Variants in FKBP1A observed in about 807,000 individuals in gnomAD.
The protein encoded by FKBP1A is peptidyl-prolyl cis-trans isomerase FKBP1A.
FKBP1A carries 5 observed loss-of-function variants against 14.2 expected under a neutral mutation model. The ratio of observed to expected loss-of-function variants is 0.35; its 90% confidence interval spans 0.18 to 0.74. The LOEUF (loss-of-function observed/expected upper bound fraction) is 0.74. FKBP1A is among the 30% of genes least tolerant of loss of function. The pLI, the probability that FKBP1A is intolerant of heterozygous loss-of-function variation, is 0.56. For missense variants in FKBP1A, 53 were observed against 138.8 expected (o/e 0.38, Z 3.10); for synonymous variants, 42 against 49.1 (o/e 0.86, Z 0.60).
intron 4 of FKBP1A, chr20:1,370,568 G>C: frequency 1.0e-6 from 1 of 985,394 alleles, no homozygotes; most frequent in Non-Finnish European, 1.2e-6. Flanking sequence ...ATAATGTTGA[G>C]TATACTGGGA....
At chr20:1,378,526 T>C (rs1012436593) in intron 2 of FKBP1A, 2 of 152,074 alleles carry the variant, frequency 1.3e-5, no homozygotes, top group Non-Finnish European at 2.9e-5. Flanking sequence ...ATGTAAACTA[T>C]GGACTTTGGG....
At chr20:1,389,083 A>C (rs1044710051) in intron 2 of FKBP1A, among the ~76,000 whole-genome samples, 1 of 152,262 alleles carries the variant, frequency 6.6e-6, no homozygotes, top group Admixed American at 6.5e-5. Flanking sequence ...CCTCACGAAA[A>C]GCAGCCAACT....
At chr20:1,370,866 T>G (rs781452743) in intron 4 of FKBP1A, 10 of 985,412 alleles carry the variant, frequency 1.0e-5, no homozygotes, top group Non-Finnish European at 1.2e-5. Flanking sequence ...TTGGCCTAGG[T>G]GCAGACCTCT....
chr20:1,370,828 T>A (rs1464445953), intron 4 of FKBP1A: 68 of 985,252 alleles, frequency 6.9e-5, no homozygotes, highest in Non-Finnish European at 8.0e-5. Context: ...AAAAAATGAC[T>A]CAGCTCTCAA....
intron 2 of FKBP1A, among the ~76,000 whole-genome samples, chr20:1,383,535 G>A (rs1041754256): frequency 2.0e-5 from 3 of 152,066 alleles, no homozygotes; most frequent in South Asian, 4.2e-4. Flanking sequence ...GGCCAGCTGC[G>A]GAGGAGGCTC....
chr20:1,370,646 C>T (rs2089451635), intron 4 of FKBP1A: 1 of 985,284 alleles, frequency 1.0e-6, no homozygotes, highest in South Asian at 4.7e-5. Context: ...GATTTTCCTT[C>T]CAGACTCTTG....
chr20:1,371,818 T>C (rs1004636542), intron 4 of FKBP1A: 25 of 1,153,250 alleles, frequency 2.2e-5, no homozygotes, highest in South Asian at 1.7e-4. Flanking sequence ...ATAAACTACA[T>C]AGAAAAACAT....
At chr20:1,381,762 A>C (rs6041861) in intron 2 of FKBP1A, among the ~76,000 whole-genome samples, 1 of 152,236 alleles carries the variant, frequency 6.6e-6, no homozygotes, top group East Asian at 1.9e-4. Flanking sequence ...CAATTGATAC[A>C]TGGGACAATA....
chr20:1,371,335 C>T (rs901300365), intron 4 of FKBP1A, among the ~76,000 whole-genome samples: 1 of 152,196 alleles, frequency 6.6e-6, no homozygotes, highest in African/African-American at 2.4e-5. Context: ...TCCTACTTTG[C>T]CACTGCCTGG....
intron 2 of FKBP1A, among the ~76,000 whole-genome samples, chr20:1,382,962 A>T (rs1242384777): frequency 6.6e-6 from 1 of 152,214 alleles, no homozygotes; most frequent in Admixed American, 6.5e-5. Context: ...TCAAGGAATC[A>T]GCAGAGGGAG....
chr20:1,370,853 ATT>A (rs2089454233), intron 4 of FKBP1A: 1 of 985,392 alleles, frequency 1.0e-6, no homozygotes, highest in East Asian at 1.1e-4. Context: ...CAGGAAAGGG[ATT>A]TTGGCCTAGG....
intron 3 of FKBP1A, among the ~76,000 whole-genome samples, chr20:1,375,063 C>T (rs1373161102): frequency 3.9e-5 from 6 of 152,152 alleles, no homozygotes; most frequent in South Asian, 4.1e-4. Flanking sequence ...TCTCGAACTC[C>T]GGACCTCAGG....
intron 2 of FKBP1A, among the ~76,000 whole-genome samples, chr20:1,391,183 C>T (rs1402219902): frequency 6.6e-6 from 1 of 152,138 alleles, no homozygotes; most frequent in African/African-American, 2.4e-5. Context: ...TGGCTATGTA[C>T]AAGCTAGGGT....
intron 2 of FKBP1A, among the ~76,000 whole-genome samples, chr20:1,376,641 A>G (rs1280137583): frequency 6.6e-6 from 1 of 151,774 alleles, no homozygotes; most frequent in East Asian, 1.9e-4. Context: ...CACTATCCCC[A>G]TTTCACAGAT....
chr20:1,369,740 A>G lies in FKBP1A; in HGVS notation c.*369T>C. 1 of 209,116 alleles carries G rather than the reference A, an allele frequency of 4.8e-6. No homozygotes were observed. The highest frequency in any genetic ancestry group is 1.0e-5 in the Non-Finnish European group (1 of 98,188). 13.0% of individuals were successfully genotyped at this position (209,116 alleles called of 1,614,324 possible). On this transcript the variant is annotated 3_prime_UTR_variant, in exon 5 of 5. Coordinates refer to ENST00000400137, the MANE Select transcript of FKBP1A (RefSeq NM_000801.5). The stretch of plus-strand genomic sequence containing the variant: ...CTTGCAAACCCCCCCCCCAACACCA[A>G]TTCCTATTCTAATGTTAACCTACCA...
At chr20:1,370,600 A>G in intron 4 of FKBP1A, 1 of 985,402 alleles carries the variant, frequency 1.0e-6, no homozygotes, top group Non-Finnish European at 1.2e-6. Flanking sequence ...GTATTCATTC[A>G]TTCACTCAAC....
rs1344836789 is a variant in FKBP1A at position 1,392,889 on chromosome 20, GAC to G, written c.38-10_38-9del. 1 of 1,430,716 alleles carries G rather than the reference GAC, an allele frequency of 7.0e-7. No homozygotes were observed. The highest frequency in any genetic ancestry group is 3.2e-5 in the East Asian group (1 of 31,634). The allele number at this position is 1,430,716 out of a possible 1,614,324, so 88.6% of individuals were successfully genotyped here. A position where few individuals can be genotyped will look rare whatever the true frequency, so the allele number is the denominator to read the frequency against. On this transcript the variant is annotated splice_polypyrimidine_tract_variant and intron_variant, in intron 1 of 4. Transcript: ENST00000400137. ...GCTTGGGGAAGGTGCGCCCTGAGGA[GAC>G]AGAGACGGGCATGCTGAGCCGATGC...
chr20:1,372,340 G>T (rs1217715225), intron 3 of FKBP1A, 100 bp from the exon 4 acceptor site: 2 of 1,312,442 alleles, frequency 1.5e-6, no homozygotes, highest in Non-Finnish European at 2.1e-6. Context: ...GGCCAGGATG[G>T]TATTGACTTT....
chr20:1,384,825 T>C (rs1280196807), intron 2 of FKBP1A, among the ~76,000 whole-genome samples: 2 of 152,204 alleles, frequency 1.3e-5, no homozygotes, highest in Non-Finnish European at 2.9e-5. Flanking sequence ...CACTATCATT[T>C]TCCTGAGATC....
Sources: gnomAD v4.1 joint callset for allele counts (sites outside exome capture counted in the v4.1 genomes callset) on GRCh38, gnomAD v4.1.1 for gene constraint, MANE v1.5 for transcripts, NCBI Gene and HGNC (gene_info 2026-07-23, HGNC 2026-07-21) for gene names.